The following CDH12 variants were observed in gnomAD, a reference collection of about 807,000 sequenced individuals.
The protein encoded by CDH12 is cadherin-12.
In CDH12, 41 loss-of-function variants were observed where a neutral mutation model predicts 74.1. That is an observed-to-expected ratio of 0.55 (90% confidence interval 0.43 to 0.72). The LOEUF (loss-of-function observed/expected upper bound fraction) is 0.72, where lower values mean the gene tolerates loss of function less well. CDH12 is among the 30% of genes least tolerant of loss of function. The pLI, the probability that CDH12 is intolerant of heterozygous loss-of-function variation, is 0.00. For missense variants in CDH12, 945 were observed against 977.2 expected (o/e 0.97, Z 0.44); for synonymous variants, 399 against 355.0 (o/e 1.12, Z -1.39).
intron 1 of CDH12, among the ~76,000 whole-genome samples, chr5:22,631,012 T>G (rs765442389): frequency 6.6e-6 from 1 of 152,084 alleles, no homozygotes; most frequent in African/African-American, 2.4e-5. Context: ...AGAAGATACA[T>G]GCAGACATCG....
intron 1 of CDH12, among the ~76,000 whole-genome samples, chr5:22,712,818 T>A (rs1743357448): frequency 6.6e-6 from 1 of 152,172 alleles, no homozygotes; most frequent in Non-Finnish European, 1.5e-5. Flanking sequence ...TCTCCAGAAA[T>A]CATTTTCCCA....
intron 1 of CDH12, among the ~76,000 whole-genome samples, chr5:22,840,522 A>G (rs1737036212): frequency 6.7e-6 from 1 of 149,774 alleles, no homozygotes; most frequent in East Asian, 1.9e-4. Flanking sequence ...ATTTATATAA[A>G]AGCTATATAT....
At chr5:22,484,249 C>T (rs1449752648) in intron 2 of CDH12, among the ~76,000 whole-genome samples, 1 of 152,034 alleles carries the variant, frequency 6.6e-6, no homozygotes, top group African/African-American at 2.4e-5. Flanking sequence ...AGCATTTATC[C>T]TCTGACTTTC....
intron 2 of CDH12, among the ~76,000 whole-genome samples, chr5:22,500,341 T>C (rs968530394): frequency 6.6e-6 from 1 of 152,158 alleles, no homozygotes; most frequent in Non-Finnish European, 1.5e-5. Context: ...TTATTTGAAG[T>C]TAGAATTTTC....
intron 5 of CDH12, among the ~76,000 whole-genome samples, chr5:22,015,815 A>G (rs888674671): frequency 6.6e-6 from 1 of 152,220 alleles, no homozygotes; most frequent in African/African-American, 2.4e-5. Context: ...TTAAAATATC[A>G]TATTGAATGT....
chr5:21,991,925 T>C (rs1757772376), intron 5 of CDH12, among the ~76,000 whole-genome samples: 1 of 152,098 alleles, frequency 6.6e-6, no homozygotes, highest in African/African-American at 2.4e-5. Context: ...TCATAAATAT[T>C]ATCTTATTTG....
At chr5:22,368,256 A>AT (rs1741117334) in intron 3 of CDH12, among the ~76,000 whole-genome samples, 1 of 151,900 alleles carries the variant, frequency 6.6e-6, no homozygotes, top group Non-Finnish European at 1.5e-5. Flanking sequence ...TCTTTGAGAT[A>AT]TTTTTATTAA....
chr5:22,673,405 T>C (rs1413018975), intron 1 of CDH12, among the ~76,000 whole-genome samples: 1 of 152,182 alleles, frequency 6.6e-6, no homozygotes, highest in Non-Finnish European at 1.5e-5. Flanking sequence ...CTTAAATAGC[T>C]TGTCCTGGTT....
intron 6 of CDH12, among the ~76,000 whole-genome samples, chr5:21,907,884 A>G (rs1753709143): frequency 6.6e-6 from 1 of 152,186 alleles, no homozygotes; most frequent in South Asian, 2.1e-4. Context: ...CTGTTTTAAA[A>G]TGGACATAAT....
intron 3 of CDH12, among the ~76,000 whole-genome samples, chr5:22,219,375 A>G (rs1751933535): frequency 6.6e-6 from 1 of 151,578 alleles, no homozygotes; most frequent in Non-Finnish European, 1.5e-5. Flanking sequence ...TGGTGACTCT[A>G]TTAACCTCTG....
chr5:22,649,869 A>G (rs1364095495), intron 1 of CDH12, among the ~76,000 whole-genome samples: 2 of 152,000 alleles, frequency 1.3e-5, no homozygotes, highest in African/African-American at 4.8e-5. Flanking sequence ...AACACCATCT[A>G]TGGCAGCACT....
At chr5:22,344,131 C>A (rs921398722) in intron 3 of CDH12, among the ~76,000 whole-genome samples, 1 of 152,134 alleles carries the variant, frequency 6.6e-6, no homozygotes, top group African/African-American at 2.4e-5. Flanking sequence ...CTAGAGGAAG[C>A]CATCCAATAT....
chr5:22,657,266 T>C (rs1375031001), intron 1 of CDH12, among the ~76,000 whole-genome samples: 1 of 152,104 alleles, frequency 6.6e-6, no homozygotes, highest in East Asian at 1.9e-4. Flanking sequence ...TGATTGGAAA[T>C]GGGTACGAGG....
intron 3 of CDH12, among the ~76,000 whole-genome samples, chr5:22,360,131 T>G (rs1406189392): frequency 6.6e-6 from 1 of 151,992 alleles, no homozygotes; most frequent in Non-Finnish European, 1.5e-5. Context: ...AAAAAATCAA[T>G]GAATCCAGGA....
chr5:22,502,326 C>G (rs763275440), intron 2 of CDH12, among the ~76,000 whole-genome samples: 5 of 151,972 alleles, frequency 3.3e-5, no homozygotes, highest in Admixed American at 2.0e-4. Context: ...GTAAGATGTG[C>G]CTTTGCTCCT....
At chr5:22,771,602 C>T (rs1746808653) in intron 1 of CDH12, among the ~76,000 whole-genome samples, 1 of 151,874 alleles carries the variant, frequency 6.6e-6, no homozygotes, top group South Asian at 2.1e-4. Context: ...AAAGAAAATG[C>T]TATTGCTACA....
At chr5:21,958,576 T>C (rs2150108004) in intron 6 of CDH12, among the ~76,000 whole-genome samples, 1 of 152,306 alleles carries the variant, frequency 6.6e-6, no homozygotes, top group East Asian at 1.9e-4. Flanking sequence ...CTCGTTTTTG[T>C]CAGTTTTATT....
At chr5:21,754,439 G>T (rs12522880) in intron 14 of CDH12, among the ~76,000 whole-genome samples, 1 of 152,058 alleles carries the variant, frequency 6.6e-6, no homozygotes, top group South Asian at 2.1e-4. Context: ...TGTCCTTAAG[G>T]TTTATATTAA....
chr5:21,921,713 C>T (rs1352050265), intron 6 of CDH12, among the ~76,000 whole-genome samples: 5 of 152,168 alleles, frequency 3.3e-5, no homozygotes, highest in Non-Finnish European at 7.4e-5. Context: ...CTACAAATTT[C>T]CTTCCATGCA....
Sources: gnomAD v4.1 joint callset for allele counts (sites outside exome capture counted in the v4.1 genomes callset) on GRCh38, gnomAD v4.1.1 for gene constraint, MANE v1.5 for transcripts, NCBI Gene and HGNC (gene_info 2026-07-23, HGNC 2026-07-21) for gene names.